The following SCUBE1 variants were observed in gnomAD, a reference collection of about 807,000 sequenced individuals.
SCUBE1 encodes signal peptide, CUB and EGF-like domain-containing protein 1.
Under a neutral mutation model 124.4 loss-of-function variants are expected in SCUBE1, and 59 were observed. The ratio of observed to expected loss-of-function variants is 0.47; its 90% CI spans 0.38 to 0.59. The LOEUF is 0.59. Ranked by LOEUF, SCUBE1 falls within the 20% of genes least tolerant of loss-of-function variation. The pLI, the probability that SCUBE1 is intolerant of heterozygous loss-of-function variation, is 0.00. For missense variants in SCUBE1, 1,150 were observed against 1,371.2 expected (o/e 0.84, Z 2.55); for synonymous variants, 545 against 550.9 (o/e 0.99, Z 0.15).
Position 43,313,589 on chromosome 22 carries a change from A to C in SCUBE1, c.349+6348T>G, listed in dbSNP as rs191131408. On this transcript the variant is annotated intron_variant, in intron 3 of 21. Transcript: ENST00000360835. Reference sequence around the variant, plus strand: ...TTCAAACAGAACTACTGCTATTTCAAGTAATTACACAGCTAAAAGCAGCCA... The same window carrying C: ...TTCAAACAGAACTACTGCTATTTCACGTAATTACACAGCTAAAAGCAGCCA... Among the ~76,000 whole-genome samples, 4 of 152,380 alleles carry C rather than the reference A, an allele frequency of 2.6e-5. No homozygotes were observed. The East Asian group carries it at 7.7e-4, about 29-fold the overall frequency.
rs1923633629 is a variant in SCUBE1 at position 43,255,694 on chromosome 22, C to G, written c.727+2525G>C. On this transcript the variant is annotated intron_variant, in intron 6 of 21. Coordinates refer to ENST00000360835, the MANE Select transcript of SCUBE1 (RefSeq NM_173050.5). The surrounding 1 kb of genome is among the most constrained non-coding windows in gnomAD (Gnocchi z 4.7). ...ACGCAAAGCCAACACAACACGCCGG[C>G]CAGCTCGGCATCCTCGCCAAGGGGC... 1.2e-6 allele frequency: 1 copy of G among 854,380 alleles called. No individual in the cohort carries two copies. Among genetic ancestry groups the G allele is most frequent in the African/African-American group, 1.7e-5 (1 of 59,842 alleles). The allele number at this position is 854,380 out of a possible 1,614,324, so 52.9% of individuals were successfully genotyped here.
rs1234985099 is a variant in SCUBE1 at position 43,208,025 on chromosome 22, C to T, written c.2734+47G>A. On this transcript the variant is annotated intron_variant, in intron 20 of 21. Coordinates refer to ENST00000360835, the MANE Select transcript of SCUBE1 (RefSeq NM_173050.5). ...GCGACTCATCTCTGTGTCTCCAGGG[C>T]CCCGCCTGAGCCGTGCACAGTGGGC... The T allele has an allele frequency of 5.0e-6, 8 of 1,605,786 alleles. 1 individual carries two copies. In the South Asian group the frequency reaches 5.5e-5, roughly 11 times the overall value.
At chr22:43,277,565 C>T (rs748804295) in intron 4 of SCUBE1, among the ~76,000 whole-genome samples, 3 of 152,184 alleles carry the variant, frequency 2.0e-5, no homozygotes, top group Non-Finnish European at 2.9e-5. Flanking sequence ...TCTTAGGAGG[C>T]GGTTGGGCCT....
intron 3 of SCUBE1, among the ~76,000 whole-genome samples, chr22:43,304,789 C>T (rs1227371029): frequency 6.6e-6 from 1 of 152,134 alleles, no homozygotes; most frequent in Non-Finnish European, 1.5e-5. Flanking sequence ...CCCTTCACCC[C>T]ATCTCCACCC....
chr22:43,235,771 C>T (rs1457996777), intron 7 of SCUBE1, among the ~76,000 whole-genome samples: 1 of 152,194 alleles, frequency 6.6e-6, no homozygotes, highest in East Asian at 1.9e-4. Context: ...CAACGGCAAG[C>T]AGCAGTCCTG....
intron 21 of SCUBE1, 24 bp from the exon 22 acceptor site, chr22:43,204,173 G>A: frequency 3.1e-6 from 5 of 1,612,964 alleles, no homozygotes; most frequent in Non-Finnish European, 4.2e-6. Context: ...TGGGTGGGAG[G>A]CAGGGGAGGC....
chr22:43,294,133 G>A (rs1211358724), intron 3 of SCUBE1, among the ~76,000 whole-genome samples: 1 of 152,230 alleles, frequency 6.6e-6, no homozygotes, highest in East Asian at 1.9e-4. Flanking sequence ...GTCCTGAGAT[G>A]AAGCAGGTGG....
chr22:43,262,987 G>A lies in SCUBE1; in HGVS notation c.485-142C>T. The stretch of plus-strand genomic sequence containing the variant: ...ATGTATCATGCACACACACGCACTT[G>A]CGCACACACACATATGCGTGTGTGC... On this transcript the variant is annotated intron_variant, in intron 4 of 21. Coordinates refer to ENST00000360835, the MANE Select transcript of SCUBE1 (RefSeq NM_173050.5). The A allele has an allele frequency of 4.8e-6, 4 of 836,726 alleles. No homozygotes were observed. The South Asian group carries it at 6.6e-5, about 14-fold the overall frequency. 51.8% of individuals were successfully genotyped at this position (836,726 alleles called of 1,614,324 possible). A position where few individuals can be genotyped will look rare whatever the true frequency, so the allele number is the denominator to read the frequency against.
At chr22:43,302,350 G>T (rs999343337) in intron 3 of SCUBE1, among the ~76,000 whole-genome samples, 3 of 152,178 alleles carry the variant, frequency 2.0e-5, no homozygotes, top group African/African-American at 7.2e-5. Flanking sequence ...GCTTGAGCTG[G>T]GCAGAGTTTC....
At chr22:43,293,128 G>A (rs1195797315) in intron 3 of SCUBE1, among the ~76,000 whole-genome samples, 5 of 152,208 alleles carry the variant, frequency 3.3e-5, no homozygotes, top group Non-Finnish European at 7.4e-5. Context: ...CCAAGCCTCA[G>A]CCATGTCTGC....
At chr22:43,262,184 T>C (rs1235023208) in intron 5 of SCUBE1, among the ~76,000 whole-genome samples, 1 of 152,192 alleles carries the variant, frequency 6.6e-6, no homozygotes, top group Admixed American at 6.5e-5. Context: ...ATTTTAGAGA[T>C]GGGGTCTTGC....
chr22:43,252,449 G>C (rs1359622805), intron 6 of SCUBE1, among the ~76,000 whole-genome samples: 2 of 152,210 alleles, frequency 1.3e-5, no homozygotes, highest in African/African-American at 4.8e-5. Flanking sequence ...CCGCTCTCCT[G>C]AGGAGCTGGC....
At chr22:43,248,965 C>A (rs868722068) in intron 6 of SCUBE1, among the ~76,000 whole-genome samples, 2 of 152,266 alleles carry the variant, frequency 1.3e-5, no homozygotes, top group African/African-American at 4.8e-5. Flanking sequence ...TGTGCTGTGC[C>A]CTGAGGGGGG....
chr22:43,222,986 C>T, intron 11 of SCUBE1, 111 bp downstream of exon 11: 1 of 1,406,758 alleles, frequency 7.1e-7, no homozygotes, highest in Non-Finnish European at 9.6e-7. Flanking sequence ...ATCAGAGACC[C>T]TCATTCCTAG....
chr22:43,212,630 G>T (rs1188312071), intron 16 of SCUBE1, 38 bp from the exon 17 acceptor site: 5 of 1,540,846 alleles, frequency 3.2e-6, no homozygotes, highest in Non-Finnish European at 4.4e-6. Flanking sequence ...GGGCAGGAGG[G>T]CACCGCAGGG....
intron 1 of SCUBE1, among the ~76,000 whole-genome samples, chr22:43,340,226 A>C (rs1214918625): frequency 1.3e-5 from 2 of 151,940 alleles, no homozygotes; most frequent in East Asian, 3.9e-4. Context: ...CAACTGGGCT[A>C]ACCTGAGCCC....
intron 6 of SCUBE1, among the ~76,000 whole-genome samples, chr22:43,249,077 C>G (rs1414433799): frequency 6.6e-6 from 1 of 152,032 alleles, no homozygotes; most frequent in Non-Finnish European, 1.5e-5. Flanking sequence ...CAAAAGGCAG[C>G]CTTTGTCAGG....
At chr22:43,309,557 A>T (rs5759276) in intron 3 of SCUBE1, among the ~76,000 whole-genome samples, 184 of 152,338 alleles carry the variant, frequency 1.2e-3, no homozygotes, top group South Asian at 2.1e-3. Flanking sequence ...TTCCAAAGCC[A>T]TCTAGACGCC....
chr22:43,307,298 A>G (rs1926006254), intron 3 of SCUBE1, among the ~76,000 whole-genome samples: 1 of 152,226 alleles, frequency 6.6e-6, no homozygotes, highest in Non-Finnish European at 1.5e-5. Context: ...AGGAACAAGT[A>G]GGGGCCAGCC....
Sources: allele counts gnomAD v4.1 joint callset (sites outside exome capture counted in the v4.1 genomes callset), GRCh38; gene constraint gnomAD v4.1.1; non-coding constraint Gnocchi (gnomAD v3.1); transcripts MANE v1.5; gene names NCBI Gene and HGNC (gene_info 2026-07-23, HGNC 2026-07-21).